ELAPOR1: variants seen among roughly 807,000 people sequenced by gnomAD.
ELAPOR1 encodes endosome-lysosome associated apoptosis and autophagy regulator 1, also known as endosome/lysosome-associated apoptosis and autophagy regulator 1.
A neutral mutation model predicts 119.7 loss-of-function variants in ELAPOR1; 77 were observed. The ratio of observed to expected loss-of-function variants is 0.64; its 90% confidence interval spans 0.54 to 0.78. The LOEUF (loss-of-function observed/expected upper bound fraction) is 0.78. ELAPOR1 is among the 30% of genes least tolerant of loss of function. The pLI is 0.00. For synonymous variants in ELAPOR1, 481 were observed against 487.2 expected (o/e 0.99, Z 0.17); for missense variants, 1,115 against 1,270.4 (o/e 0.88, Z 1.86).
At chr1:109,202,318 C>T (rs1025933011) in intron 21 of ELAPOR1, among the ~76,000 whole-genome samples, 1 of 151,834 alleles carries the variant, frequency 6.6e-6, no homozygotes, top group Admixed American at 6.6e-5. Flanking sequence ...CAGGGTTTCA[C>T]CATGTTGGCC....
At position 109,204,305 on chromosome 1, in the gene ELAPOR1, G is replaced by A. The variant is rs1654364442; in HGVS notation, c.*1293G>A. On this transcript the variant is annotated 3_prime_UTR_variant, in exon 22 of 22. Transcript: ENST00000369939. ...ATTCTCACTGAAGCCAAAGGAATAAGTTCATCAAGAAAATGCCCAAAGCCC... is the reference window on the plus strand; with the variant it reads ...ATTCTCACTGAAGCCAAAGGAATAAATTCATCAAGAAAATGCCCAAAGCCC... 6.6e-6 allele frequency: 1 copy of A among 152,226 alleles called. No homozygotes were observed. 9.4% of individuals were successfully genotyped at this position (152,226 alleles called of 1,614,324 possible). A position where few individuals can be genotyped will look rare whatever the true frequency, so the allele number is the denominator to read the frequency against.
At chr1:109,177,250 C>A (rs553820681) in intron 7 of ELAPOR1, among the ~76,000 whole-genome samples, 7 of 147,120 alleles carry the variant, frequency 4.8e-5, no homozygotes, top group Non-Finnish European at 9.0e-5. Flanking sequence ...CCCCCCACCT[C>A]CCTCCCGGAC....
chr1:109,177,230 G>GC (rs1652366425), intron 7 of ELAPOR1, among the ~76,000 whole-genome samples: 1 of 142,480 alleles, frequency 7.0e-6, no homozygotes, highest in Non-Finnish European at 1.5e-5. Flanking sequence ...TGGCCGGGCG[G>GC]GGGGCTGACC....
chr1:109,177,301 G>A (rs867252959), intron 7 of ELAPOR1, among the ~76,000 whole-genome samples: 4 of 143,612 alleles, frequency 2.8e-5, no homozygotes, highest in Non-Finnish European at 6.0e-5. Flanking sequence ...CTTCCCAGAC[G>A]GGGTGGCTGC....
rs954556670 is a variant in ELAPOR1 at position 109,130,774 on chromosome 1, A to G, written c.153+16438A>G. 2.6e-5 allele frequency among the ~76,000 whole-genome samples: 4 copies of G among 152,350 alleles called. No homozygotes were observed. The East Asian group carries it at 7.7e-4, about 29-fold the overall frequency. ...CTTTTTCAAAATGGTTTAACTATTA[A>G]TGCATATTTTAGTTACCTATTGCTT... On this transcript the variant is annotated intron_variant, in intron 1 of 21. Coordinates refer to ENST00000369939, the MANE Select transcript of ELAPOR1 (RefSeq NM_020775.5).
At chr1:109,135,786 A>G (rs1230445203) in intron 1 of ELAPOR1, among the ~76,000 whole-genome samples, 1 of 152,198 alleles carries the variant, frequency 6.6e-6, no homozygotes, top group Non-Finnish European at 1.5e-5. Context: ...GGGAAATCAT[A>G]TCTACTCCAT....
intron 1 of ELAPOR1, among the ~76,000 whole-genome samples, chr1:109,154,869 T>A (rs2101026981): frequency 6.6e-6 from 1 of 152,284 alleles, no homozygotes; most frequent in South Asian, 2.1e-4. Flanking sequence ...AATGATGTGG[T>A]TTAATGGTTA....
At chr1:109,188,427 C>T in intron 9 of ELAPOR1, 73 bp downstream of exon 9, 4 of 1,492,334 alleles carry the variant, frequency 2.7e-6, no homozygotes, top group Admixed American at 1.9e-5. Flanking sequence ...CTAACAGTGG[C>T]CAGCTGAATG....
chr1:109,145,905 G>A (rs780823265), intron 1 of ELAPOR1, among the ~76,000 whole-genome samples: 14 of 152,132 alleles, frequency 9.2e-5, no homozygotes, highest in Middle Eastern at 6.8e-3. Context: ...AGAATAGAAT[G>A]AGATGGTCCA....
chr1:109,202,736 C>T (rs540845925), intron 21 of ELAPOR1, among the ~76,000 whole-genome samples: 9 of 152,198 alleles, frequency 5.9e-5, no homozygotes, highest in Non-Finnish European at 7.4e-5. Flanking sequence ...CACCACACCC[C>T]GCCTAAAAGA....
At chr1:109,156,352 C>T (rs1650873106) in intron 1 of ELAPOR1, among the ~76,000 whole-genome samples, 1 of 151,972 alleles carries the variant, frequency 6.6e-6, no homozygotes, top group African/African-American at 2.4e-5. Flanking sequence ...AATTTACCAG[C>T]TTAACCATTT....
chr1:109,189,768 C>A, intron 11 of ELAPOR1, 86 bp downstream of exon 11: 1 of 951,672 alleles, frequency 1.1e-6, no homozygotes, highest in Non-Finnish European at 1.7e-6. Flanking sequence ...GAGGAGAGGG[C>A]TTCCGGGGTT....
intron 7 of ELAPOR1, among the ~76,000 whole-genome samples, chr1:109,184,162 A>G (rs1652912962): frequency 6.6e-6 from 1 of 152,212 alleles, no homozygotes; most frequent in Non-Finnish European, 1.5e-5. Context: ...ACCTGAAGTC[A>G]GGAGTTCGAG....
chr1:109,164,077 G>T (rs911453798), intron 2 of ELAPOR1, among the ~76,000 whole-genome samples: 2 of 152,138 alleles, frequency 1.3e-5, no homozygotes, highest in African/African-American at 4.8e-5. Context: ...TATATGCCAT[G>T]AAATTCATTC....
chr1:109,122,580 G>C (rs1312079582), intron 1 of ELAPOR1, among the ~76,000 whole-genome samples: 2 of 151,926 alleles, frequency 1.3e-5, no homozygotes, highest in African/African-American at 4.8e-5. Flanking sequence ...AGGTTCACTT[G>C]AACCCATGAG....
intron 15 of ELAPOR1, 106 bp from the exon 16 acceptor site, chr1:109,197,368 G>GA: frequency 1.1e-6 from 1 of 916,982 alleles, no homozygotes; most frequent in Non-Finnish European, 1.7e-6. Context: ...ACATACCATT[G>GA]AAACGCTGAA....
In ELAPOR1 at chr1:109,114,258, G is replaced by A. The variant is rs1337297208; in HGVS notation, c.75G>A (p.Leu25=). ...GAACTGAGAGGCGCATACCCCGGCT[G>A]TGGCGGCTGCTGCTCTGGGCTGGGA... ...RGRTERRIPR[L]WRLLLWAGTA... The change falls in exon 1 of 22, where the codon CTG becomes CTA. Residue 25 remains leucine, a synonymous_variant. Coordinates refer to ENST00000369939, the MANE Select transcript of ELAPOR1 (RefSeq NM_020775.5). The A allele has an allele frequency of 6.2e-7, 1 of 1,600,504 alleles. No individual in the cohort carries two copies. Among genetic ancestry groups the A allele is most frequent in the Non-Finnish European group, 8.5e-7 (1 of 1,173,692 alleles).
At chr1:109,143,306 G>A (rs1480455328) in intron 1 of ELAPOR1, among the ~76,000 whole-genome samples, 1 of 152,166 alleles carries the variant, frequency 6.6e-6, no homozygotes, top group Non-Finnish European at 1.5e-5. Context: ...TCATGCTATA[G>A]TATGTACAAC....
At chr1:109,198,136 G>A (rs1653945383) in intron 17 of ELAPOR1, 61 bp downstream of exon 17, 1 of 1,321,418 alleles carries the variant, frequency 7.6e-7, no homozygotes, top group South Asian at 1.2e-5. Context: ...AATTTCTGCT[G>A]CATCCCTCCC....
Sources: allele counts gnomAD v4.1 joint callset (sites outside exome capture counted in the v4.1 genomes callset), GRCh38; gene constraint gnomAD v4.1.1; transcripts MANE v1.5; gene names NCBI Gene and HGNC (gene_info 2026-07-23, HGNC 2026-07-21).